ST8SIA2: variants seen among roughly 807,000 people sequenced by gnomAD.
ST8SIA2 encodes the protein ST8 alpha-N-acetyl-neuraminide alpha-2,8-sialyltransferase 2, also known as alpha-2,8-sialyltransferase 8B.
Under a neutral mutation model 37.6 loss-of-function variants are expected in ST8SIA2, and 22 were observed. That is an observed-to-expected ratio of 0.58 (90% CI 0.42 to 0.83). ST8SIA2 has a LOEUF of 0.83. Ranked by LOEUF, ST8SIA2 falls within the 40% of genes least tolerant of loss-of-function variation. The probability of loss-of-function intolerance (pLI) is 0.00; values close to 1 mark genes in which losing one functional copy is unlikely to be tolerated. For synonymous variants in ST8SIA2, 205 were observed against 201.2 expected (o/e 1.02, Z -0.16); for missense variants, 382 against 484.7 (o/e 0.79, Z 1.99).
At chr15:92,445,024 C>T in intron 5 of ST8SIA2, 95 bp downstream of exon 5, 2 of 1,551,654 alleles carry the variant, frequency 1.3e-6, no homozygotes, top group South Asian at 1.1e-5. Context: ...TCCATCCCAG[C>T]TCCACCACTC....
Position 92,464,415 on chromosome 15 carries a change from A to G in ST8SIA2, c.*30A>G. The G allele has an allele frequency of 6.2e-7, 1 of 1,612,390 alleles. No individual in the cohort carries two copies. The highest frequency in any genetic ancestry group is 1.3e-5 in the African/African-American group (1 of 74,998). On this transcript the variant is annotated 3_prime_UTR_variant, in exon 6 of 6. Coordinates refer to ENST00000268164, the MANE Select transcript of ST8SIA2 (RefSeq NM_006011.4). ...GGCACCCCATGGGACTCAGTGGCTCACATTTCCTGCCAGCTACACCACAGG... is the reference window on the plus strand; with the variant it reads ...GGCACCCCATGGGACTCAGTGGCTCGCATTTCCTGCCAGCTACACCACAGG...
At chr15:92,457,092 G>A (rs909706637) in intron 5 of ST8SIA2, among the ~76,000 whole-genome samples, 7 of 152,230 alleles carry the variant, frequency 4.6e-5, no homozygotes, top group South Asian at 2.1e-4. Flanking sequence ...CCTGGATCAC[G>A]GCTGAGGCTG....
chr15:92,432,271 C>A (rs1209124939), intron 2 of ST8SIA2, among the ~76,000 whole-genome samples: 1 of 152,196 alleles, frequency 6.6e-6, no homozygotes, highest in Non-Finnish European at 1.5e-5. Context: ...TTCAACAAAG[C>A]TGGGGTGAAG....
intron 1 of ST8SIA2, among the ~76,000 whole-genome samples, chr15:92,408,240 C>A (rs575532067): frequency 7.7e-4 from 117 of 152,196 alleles, no homozygotes; most frequent in Middle Eastern, 3.4e-3. Context: ...GGGGAGGATG[C>A]CTTAGGCCCA....
intron 3 of ST8SIA2, 70 bp from the exon 4 acceptor site, chr15:92,438,283 G>A: frequency 6.2e-7 from 1 of 1,613,190 alleles, no homozygotes; most frequent in Non-Finnish European, 8.5e-7. Flanking sequence ...ACCCTGGATA[G>A]GAAAAGCTGG....
intron 2 of ST8SIA2, among the ~76,000 whole-genome samples, chr15:92,431,041 G>A (rs1398405589): frequency 6.6e-6 from 1 of 152,114 alleles, no homozygotes; most frequent in Non-Finnish European, 1.5e-5. Flanking sequence ...TGACATCATT[G>A]CTTCTAGCTC....
At position 92,464,468 on chromosome 15, in the gene ST8SIA2, A is replaced by G. The variant is rs185310337; in HGVS notation, c.*83A>G. The G allele has an allele frequency of 3.4e-6, 5 of 1,489,524 alleles. No individual in the cohort carries two copies. The African/African-American group carries it at 4.1e-5, about 12-fold the overall frequency. 92.3% of individuals were successfully genotyped at this position (1,489,524 alleles called of 1,614,324 possible). On this transcript the variant is annotated 3_prime_UTR_variant, in exon 6 of 6. Transcript: ENST00000268164. ...GATGGGAGTCGGGGTGGCACAAACA[A>G]TAGAACAAGCAGGCTAGTGGTTTTC...
intron 1 of ST8SIA2, among the ~76,000 whole-genome samples, chr15:92,397,922 CA>C (rs2049443060): frequency 6.6e-6 from 1 of 152,160 alleles, no homozygotes; most frequent in South Asian, 2.1e-4. Flanking sequence ...CACCTGAGGT[CA>C]GGAGTTCGAG....
At chr15:92,400,098 C>T (rs1474239033) in intron 1 of ST8SIA2, among the ~76,000 whole-genome samples, 1 of 152,214 alleles carries the variant, frequency 6.6e-6, no homozygotes, top group Non-Finnish European at 1.5e-5. Flanking sequence ...CTTGCGCACA[C>T]ACCATCCTTC....
intron 4 of ST8SIA2, among the ~76,000 whole-genome samples, chr15:92,442,121 A>T (rs1013996904): frequency 6.6e-6 from 1 of 152,224 alleles, no homozygotes; most frequent in African/African-American, 2.4e-5. Context: ...AGCAATTCAC[A>T]TCTGGTGGGG....
intron 1 of ST8SIA2, among the ~76,000 whole-genome samples, chr15:92,402,464 C>G (rs1426748248): frequency 2.0e-5 from 3 of 152,116 alleles, no homozygotes; most frequent in Admixed American, 6.6e-5. Context: ...GGATTCAAAC[C>G]CAGGCTCCCA....
At chr15:92,454,314 T>TC (rs1429448874) in intron 5 of ST8SIA2, among the ~76,000 whole-genome samples, 3 of 151,606 alleles carry the variant, frequency 2.0e-5, no homozygotes, top group Admixed American at 6.6e-5. Context: ...TGTTTCCAAA[T>TC]CCCCCCTCTT....
At chr15:92,397,876 T>A (rs1029458387) in intron 1 of ST8SIA2, among the ~76,000 whole-genome samples, 1 of 152,356 alleles carries the variant, frequency 6.6e-6, no homozygotes, top group Middle Eastern at 3.4e-3. Context: ...CTCACGCCTG[T>A]AATCCCAACA....
chr15:92,420,199 A>G (rs573201233), intron 1 of ST8SIA2, among the ~76,000 whole-genome samples: 29 of 152,204 alleles, frequency 1.9e-4, no homozygotes, highest in Non-Finnish European at 3.2e-4. Context: ...CTCCTTTATA[A>G]GATGGGTGCA....
At chr15:92,450,446 A>G (rs1483917728) in intron 5 of ST8SIA2, among the ~76,000 whole-genome samples, 1 of 152,214 alleles carries the variant, frequency 6.6e-6, no homozygotes, top group Non-Finnish European at 1.5e-5. Flanking sequence ...GTAATTTATA[A>G]AGAAAAGAGG....
intron 1 of ST8SIA2, among the ~76,000 whole-genome samples, chr15:92,401,730 T>A (rs1250982322): frequency 2.0e-5 from 3 of 152,002 alleles, no homozygotes; most frequent in Admixed American, 1.3e-4. Flanking sequence ...CTTTTTTTTT[T>A]ATTATTGAAG....
At chr15:92,397,457 G>T (rs776934896) in intron 1 of ST8SIA2, among the ~76,000 whole-genome samples, 1 of 152,152 alleles carries the variant, frequency 6.6e-6, no homozygotes, top group Non-Finnish European at 1.5e-5. Flanking sequence ...TCATTGAGCT[G>T]GAGCTGACTA....
chr15:92,441,791 G>A lies in ST8SIA2; in HGVS notation c.549-2845G>A, dbSNP rs79234879. Among the ~76,000 whole-genome samples the A allele has an allele frequency of 6.3e-3, 958 of 152,308 alleles. 15 individuals carry two copies. Among genetic ancestry groups the A allele is most frequent in the South Asian group, 0.056 (268 of 4,826 alleles). ...AATTATCACAGCTATTCTGTATGGA[G>A]CACTCTGTTTTTATCCTGGCTTTGC... On this transcript the variant is annotated intron_variant, in intron 4 of 5. Coordinates refer to ENST00000268164, the MANE Select transcript of ST8SIA2 (RefSeq NM_006011.4).
At chr15:92,396,650 C>T (rs896614733) in intron 1 of ST8SIA2, among the ~76,000 whole-genome samples, 14 of 152,176 alleles carry the variant, frequency 9.2e-5, no homozygotes, top group African/African-American at 2.9e-4. Context: ...CCTGCCACCA[C>T]ACCAGGCTAA....
Sources: gnomAD v4.1 joint callset for allele counts (sites outside exome capture counted in the v4.1 genomes callset) on GRCh38, gnomAD v4.1.1 for gene constraint, MANE v1.5 for transcripts, NCBI Gene and HGNC (gene_info 2026-07-23, HGNC 2026-07-21) for gene names.